RYR2: variants seen among roughly 807,000 people sequenced by gnomAD.
RYR2 encodes the protein cardiac muscle ryanodine receptor-calcium release channel.
RYR2 carries 227 observed loss-of-function variants against 601.1 expected under a neutral mutation model. The observed-to-expected ratio is 0.38, with a 90% CI of 0.34 to 0.42. RYR2 has a LOEUF of 0.42. Among genes scored for constraint, RYR2 ranks in the 10% least tolerant of loss-of-function variants. The pLI is 1.00. For synonymous variants in RYR2, 2,223 were observed against 2,175.1 expected (o/e 1.02, Z -0.61); for missense variants, 4,646 against 6,156.5 (o/e 0.75, Z 8.21).
At chr1:237,445,607 G>T (rs1708259901) in intron 14 of RYR2, 85 bp downstream of exon 14, 2 of 1,520,038 alleles carry the variant, frequency 1.3e-6, no homozygotes, top group Non-Finnish European at 1.8e-6. Context: ...TTAAAAGTAT[G>T]CTATGATGGT....
intron 24 of RYR2, among the ~76,000 whole-genome samples, chr1:237,520,053 A>C (rs1265010282): frequency 6.6e-6 from 1 of 152,058 alleles, no homozygotes; most frequent in Non-Finnish European, 1.5e-5. Context: ...GAGGTATTTT[A>C]ATTTTTATGT....
chr1:237,828,642 A>G (rs1663427629), intron 102 of RYR2, among the ~76,000 whole-genome samples, 197 bp downstream of exon 102: 2 of 152,246 alleles, frequency 1.3e-5, no homozygotes, highest in East Asian at 1.9e-4. Context: ...TGGACGCCAC[A>G]TGCATGCAAA....
chr1:237,337,223 G>A (rs1238512507), intron 3 of RYR2, among the ~76,000 whole-genome samples: 1 of 143,536 alleles, frequency 7.0e-6, no homozygotes, highest in Non-Finnish European at 1.5e-5. Flanking sequence ...CTGCACTCCA[G>A]CCTGGGCAAC....
intron 73 of RYR2, among the ~76,000 whole-genome samples, chr1:237,720,090 C>A (rs1304735117): frequency 2.0e-5 from 3 of 152,154 alleles, no homozygotes; most frequent in Non-Finnish European, 4.4e-5. Context: ...TGACCATTTA[C>A]TATTATTTGG....
chr1:237,654,150 G>C (rs1233514917), intron 51 of RYR2, 124 bp from the exon 52 acceptor site: 10 of 1,131,426 alleles, frequency 8.8e-6, no homozygotes, highest in Non-Finnish European at 1.2e-5. Context: ...ATTTATATGG[G>C]ATTGGGCAAT....
At chr1:237,737,488 C>T (rs1436069923) in intron 79 of RYR2, among the ~76,000 whole-genome samples, 1 of 152,216 alleles carries the variant, frequency 6.6e-6, no homozygotes, top group Non-Finnish European at 1.5e-5. Context: ...ATACATTTGC[C>T]ATCAATGGCA....
At chr1:237,525,807 C>G (rs1667519421) in intron 24 of RYR2, among the ~76,000 whole-genome samples, 1 of 151,800 alleles carries the variant, frequency 6.6e-6, no homozygotes, top group Non-Finnish European at 1.5e-5. Flanking sequence ...TGGTGCAAAC[C>G]CATCTCTACT....
chr1:237,399,235 T>A (rs1313903900), intron 10 of RYR2, among the ~76,000 whole-genome samples: 1 of 151,978 alleles, frequency 6.6e-6, no homozygotes, highest in African/African-American at 2.4e-5. Flanking sequence ...CACAGCAACC[T>A]CAATGAATCT....
intron 1 of RYR2, among the ~76,000 whole-genome samples, chr1:237,155,933 TGTAA>T (rs939083160): frequency 2.0e-5 from 3 of 152,196 alleles, no homozygotes; most frequent in Admixed American, 6.5e-5. Flanking sequence ...TCTGAGAGCC[TGTAA>T]GTATTTTTTA....
intron 17 of RYR2, among the ~76,000 whole-genome samples, chr1:237,473,339 G>A (rs563965254): frequency 1.8e-4 from 27 of 152,048 alleles, no homozygotes; most frequent in African/African-American, 6.3e-4. Flanking sequence ...CATGAGAATC[G>A]CTTGAACTTG....
At chr1:237,477,389 C>CA (rs569330397) in intron 17 of RYR2, among the ~76,000 whole-genome samples, 9 of 151,588 alleles carry the variant, frequency 5.9e-5, no homozygotes, top group African/African-American at 2.2e-4. Flanking sequence ...GACTCCGTCT[C>CA]AAAAAAAAGA....
chr1:237,798,706 CTT>C (rs1659577180), intron 97 of RYR2, among the ~76,000 whole-genome samples: 1 of 151,964 alleles, frequency 6.6e-6, no homozygotes, highest in South Asian at 2.1e-4. Context: ...ATGAAACACT[CTT>C]TATATACTGC....
chr1:237,680,681 C>A, intron 62 of RYR2, 104 bp downstream of exon 62: 1 of 755,916 alleles, frequency 1.3e-6, no homozygotes, highest in Non-Finnish European at 2.0e-6. Flanking sequence ...GAGTATCTGC[C>A]CATTTCCCTG....
At chr1:237,698,615 G>A (rs183759926) in intron 63 of RYR2, among the ~76,000 whole-genome samples, 9 of 152,252 alleles carry the variant, frequency 5.9e-5, no homozygotes, top group East Asian at 1.9e-4. Context: ...AAGGATATGA[G>A]CTGACTTTAA....
intron 12 of RYR2, among the ~76,000 whole-genome samples, chr1:237,426,076 A>G (rs952737361): frequency 7.3e-5 from 11 of 151,542 alleles, no homozygotes; most frequent in Admixed American, 7.2e-4. Flanking sequence ...ATATATTATT[A>G]TAAATAAAAC....
Position 237,590,649 on chromosome 1 carries a change from A to C in RYR2, c.3817A>C (p.Ile1273Leu). The change falls in exon 31 of 105, where the codon ATA (isoleucine) becomes CTA (leucine). Residue 1273 changes from isoleucine to leucine, a missense_variant. This residue lies in a region of RYR2 where 1,807 missense variants were observed against 2,088.1 expected (regional missense o/e 0.87). Transcript: ENST00000366574. ...SNHEHIEVTR[I>L]DGTIDSSPCL... ...CTTCTTCGTTTGCTAGGTGACCAGA[A>C]TAGACGGCACCATAGACAGTTCCCC... is the stretch of plus-strand genomic sequence containing the variant. 6.6e-7 allele frequency: 1 copy of C among 1,525,136 alleles called. No individual in the cohort carries two copies. The highest frequency in any genetic ancestry group is 8.8e-7 in the Non-Finnish European group (1 of 1,137,484). The allele number at this position is 1,525,136 out of a possible 1,614,324, so 94.5% of individuals were successfully genotyped here. A position where few individuals can be genotyped will look rare whatever the true frequency, so the allele number is the denominator to read the frequency against.
At chr1:237,591,160 TCC>T (rs1675138962) in intron 31 of RYR2, among the ~76,000 whole-genome samples, 168 bp downstream of exon 31, 1 of 2,976 alleles carries the variant, frequency 3.4e-4, no homozygotes, top group Non-Finnish European at 1.6e-3. Context: ...CTCCTCCTCT[TCC>T]CCCTTCTCCT....
At chr1:237,595,017 A>G (rs1019701537) in intron 33 of RYR2, among the ~76,000 whole-genome samples, 5 of 147,802 alleles carry the variant, frequency 3.4e-5, no homozygotes, top group African/African-American at 1.0e-4. Context: ...AGTATATCAA[A>G]TCACTGAAGG....
intron 52 of RYR2, among the ~76,000 whole-genome samples, chr1:237,655,283 C>G (rs1200189943): frequency 6.6e-6 from 1 of 152,066 alleles, no homozygotes; most frequent in Non-Finnish European, 1.5e-5. Context: ...ATTTAACTGT[C>G]ATTAATATAT....
Sources: gnomAD v4.1 joint callset for allele counts (sites outside exome capture counted in the v4.1 genomes callset) on GRCh38, gnomAD v4.1.1 for gene constraint, gnomAD v4.1.1 regional missense constraint, MANE v1.5 for transcripts, NCBI Gene and HGNC (gene_info 2026-07-23, HGNC 2026-07-21) for gene names.